BRINP1: variants seen among roughly 807,000 people sequenced by gnomAD.
BRINP1 encodes the protein BMP/retinoic acid inducible neural specific 1, also known as BMP/retinoic acid-inducible neural-specific protein 1.
In BRINP1, 17 loss-of-function variants were observed where a neutral mutation model predicts 72.9. The ratio of observed to expected loss-of-function variants is 0.23; its 90% CI spans 0.16 to 0.35. The LOEUF is 0.35. Ranked by LOEUF, BRINP1 falls within the 10% of genes least tolerant of loss-of-function variation. BRINP1 has a pLI of 1.00. For missense variants in BRINP1, 850 were observed against 1,001.6 expected (o/e 0.85, Z 2.04); for synonymous variants, 418 against 378.5 (o/e 1.10, Z -1.21).
At chr9:119,347,617 T>G (rs1210843476) in intron 1 of BRINP1, among the ~76,000 whole-genome samples, 1 of 152,112 alleles carries the variant, frequency 6.6e-6, no homozygotes, top group Non-Finnish European at 1.5e-5. Flanking sequence ...TACTTCACCC[T>G]GTTATTCCCC....
intron 2 of BRINP1, among the ~76,000 whole-genome samples, chr9:119,250,630 C>T (rs1423063002): frequency 6.6e-6 from 1 of 152,192 alleles, no homozygotes; most frequent in Non-Finnish European, 1.5e-5. Flanking sequence ...CAGACATGTA[C>T]ATGTAAATCA....
chr9:119,295,652 A>C (rs1830867970), intron 2 of BRINP1, among the ~76,000 whole-genome samples: 1 of 141,808 alleles, frequency 7.1e-6, no homozygotes, highest in Non-Finnish European at 1.6e-5. Flanking sequence ...ACAAAGCTAC[A>C]GTATTCAAAA....
At chr9:119,336,091 G>T (rs536031395) in intron 1 of BRINP1, among the ~76,000 whole-genome samples, 1 of 152,294 alleles carries the variant, frequency 6.6e-6, no homozygotes, top group African/African-American at 2.4e-5. Context: ...CCATTTACAT[G>T]TCAGGTATAG....
chr9:119,331,901 G>A (rs769719863), intron 1 of BRINP1, among the ~76,000 whole-genome samples: 2 of 152,290 alleles, frequency 1.3e-5, no homozygotes, highest in African/African-American at 2.4e-5. Context: ...AGTAAGAAGT[G>A]TATAGGGATC....
chr9:119,294,593 C>T (rs368899291), intron 2 of BRINP1, among the ~76,000 whole-genome samples: 6 of 151,940 alleles, frequency 3.9e-5, no homozygotes, highest in East Asian at 3.9e-4. Flanking sequence ...AGGCTGGGTG[C>T]GGTGGCTTAC....
In BRINP1 at chr9:119,213,979, A is replaced by T. The variant is rs745329330; in HGVS notation, c.862T>A (p.Tyr288Asn). The stretch of plus-strand genomic sequence containing the variant: ...GACTTGGCCATGTTGGCCAGCGTGT[A>T]CTCCATGATCTGGATGTCCGTGATG... Reference protein sequence around the residue: ...CPITDIQIMEYTLANMAKSWA... With the variant: ...CPITDIQIMENTLANMAKSWA... The change falls in exon 6 of 8, where the codon TAC (tyrosine) becomes AAC (asparagine). Residue 288 changes from tyrosine (Y) to asparagine (N), a missense_variant. By Grantham distance (143) the Tyr-to-Asn change is moderately radical (BLOSUM62 -2). Coordinates refer to ENST00000265922, the MANE Select transcript of BRINP1 (RefSeq NM_014618.3). The T allele has an allele frequency of 3.1e-6, 5 of 1,614,030 alleles. No homozygotes were observed. The highest frequency in any genetic ancestry group is 1.7e-5 in the Admixed American group (1 of 60,016).
chr9:119,297,467 A>G (rs1366972629), intron 2 of BRINP1, among the ~76,000 whole-genome samples: 1 of 152,178 alleles, frequency 6.6e-6, no homozygotes, highest in Non-Finnish European at 1.5e-5. Context: ...TGGCCATATT[A>G]CTTTTCTGAG....
rs991794448 is a variant in BRINP1 at position 119,190,647 on chromosome 9, G to A, written c.1145+18072C>T. ...AGACCACTAACAAAGACATTGAAGT[G>A]AAGTAATATTTAAAAACCTTCCACT... is the stretch of plus-strand genomic sequence containing the variant. On this transcript the variant is annotated intron_variant, in intron 7 of 7. Transcript: ENST00000265922. 6.8e-4 allele frequency among the ~76,000 whole-genome samples: 103 copies of A among 151,964 alleles called. 1 individual carries two copies. Among genetic ancestry groups the A allele is most frequent in the Admixed American group, 4.1e-3 (63 of 15,260 alleles).
At chr9:119,210,397 T>C (rs900441627) in intron 6 of BRINP1, among the ~76,000 whole-genome samples, 1 of 152,198 alleles carries the variant, frequency 6.6e-6, no homozygotes, top group Non-Finnish European at 1.5e-5. Flanking sequence ...CTTACATAGC[T>C]CTTGACAGGC....
intron 4 of BRINP1, 105 bp downstream of exon 4, chr9:119,241,942 G>A (rs1830254206): frequency 8.0e-7 from 1 of 1,247,172 alleles, no homozygotes; most frequent in African/African-American, 1.5e-5. Flanking sequence ...CGAGCTACAT[G>A]GTTATGAACC....
At chr9:119,223,620 C>A (rs1334890994) in intron 5 of BRINP1, among the ~76,000 whole-genome samples, 1 of 152,026 alleles carries the variant, frequency 6.6e-6, no homozygotes, top group Admixed American at 6.6e-5. Context: ...TCATCTAGCA[C>A]AGTATTGAGT....
chr9:119,359,449 G>A (rs1414968072), intron 1 of BRINP1, among the ~76,000 whole-genome samples: 2 of 152,164 alleles, frequency 1.3e-5, no homozygotes, highest in South Asian at 2.1e-4. Context: ...CGATCTTCCT[G>A]CCTCAGCCTC....
intron 2 of BRINP1, among the ~76,000 whole-genome samples, chr9:119,305,504 C>T (rs1214457674): frequency 6.6e-6 from 1 of 152,166 alleles, no homozygotes; most frequent in African/African-American, 2.4e-5. Flanking sequence ...CACATGAAGA[C>T]GTATAGTTCC....
At chr9:119,294,098 T>G (rs1650546243) in intron 2 of BRINP1, among the ~76,000 whole-genome samples, 1 of 152,136 alleles carries the variant, frequency 6.6e-6, no homozygotes, top group Non-Finnish European at 1.5e-5. Context: ...TACAGAAATC[T>G]GTGAACTATC....
intron 2 of BRINP1, among the ~76,000 whole-genome samples, chr9:119,278,561 A>G (rs904915490): frequency 5.3e-5 from 8 of 152,324 alleles, no homozygotes; most frequent in Admixed American, 5.2e-4. Context: ...GTGAGTAAAT[A>G]AGACAAATTC....
intron 1 of BRINP1, among the ~76,000 whole-genome samples, chr9:119,348,196 A>G (rs1291459005): frequency 6.6e-6 from 1 of 152,206 alleles, no homozygotes; most frequent in African/African-American, 2.4e-5. Context: ...CTTTTCTAGC[A>G]TATGTTGGAA....
chr9:119,314,755 A>T (rs1330964872), intron 1 of BRINP1, among the ~76,000 whole-genome samples: 1 of 152,166 alleles, frequency 6.6e-6, no homozygotes, highest in Non-Finnish European at 1.5e-5. Flanking sequence ...CATGTATTTA[A>T]CTTTCCTGAC....
chr9:119,301,431 A>G (rs1830937864), intron 2 of BRINP1, among the ~76,000 whole-genome samples: 1 of 152,216 alleles, frequency 6.6e-6, no homozygotes, highest in African/African-American at 2.4e-5. Context: ...TCAGGTTATG[A>G]CCATTTACAT....
intron 1 of BRINP1, among the ~76,000 whole-genome samples, chr9:119,340,704 A>T (rs1453541868): frequency 6.6e-6 from 1 of 152,184 alleles, no homozygotes; most frequent in African/African-American, 2.4e-5. Flanking sequence ...GGAGACGAGA[A>T]ATAAAAAATG....
Sources: allele counts gnomAD v4.1 joint callset (sites outside exome capture counted in the v4.1 genomes callset), GRCh38; gene constraint gnomAD v4.1.1; transcripts MANE v1.5; gene names NCBI Gene and HGNC (gene_info 2026-07-23, HGNC 2026-07-21).